The following GMCL1 variants were observed in gnomAD, a reference collection of about 807,000 sequenced individuals.
The protein encoded by GMCL1 is germ cell-less protein-like 1.
A neutral mutation model predicts 75.5 loss-of-function variants in GMCL1; 54 were observed. The observed-to-expected ratio is 0.71, with a 90% CI of 0.57 to 0.90. The LOEUF is 0.90. GMCL1 is among the 40% of genes least tolerant of loss of function. GMCL1 has a pLI of 0.00. For missense variants in GMCL1, 537 were observed against 622.7 expected (o/e 0.86, Z 1.47); for synonymous variants, 210 against 209.6 (o/e 1.00, Z -0.02).
chr2:69,877,814 G>T (rs113927996), intron 13 of GMCL1, among the ~76,000 whole-genome samples: 1 of 152,070 alleles, frequency 6.6e-6, no homozygotes, highest in South Asian at 2.1e-4. Context: ...TAGTGAGTCT[G>T]CTTCAGTCAC....
At chr2:69,845,872 T>C (rs560349588) in intron 6 of GMCL1, among the ~76,000 whole-genome samples, 38 of 152,240 alleles carry the variant, frequency 2.5e-4, no homozygotes, top group Middle Eastern at 3.4e-3. Flanking sequence ...TACAAATGTG[T>C]CCGAGAGTAT....
At chr2:69,878,779 G>T in intron 13 of GMCL1, 130 bp from the exon 14 acceptor site, 1 of 718,698 alleles carries the variant, frequency 1.4e-6, no homozygotes, top group South Asian at 1.5e-5. Flanking sequence ...CTAATGGGTG[G>T]GAGTTTGGAG....
At chr2:69,836,937 A>G (rs1674834644) in intron 1 of GMCL1, among the ~76,000 whole-genome samples, 1 of 150,878 alleles carries the variant, frequency 6.6e-6, no homozygotes, top group South Asian at 2.1e-4. Context: ...CTTTCATCTA[A>G]AATAAATAAA....
Position 69,880,009 on chromosome 2 carries a change from A to AGCC in GMCL1, c.*1005_*1006insGCC, listed in dbSNP as rs1676235264. On this transcript the variant is annotated 3_prime_UTR_variant, in exon 14 of 14. Coordinates refer to ENST00000282570, the MANE Select transcript of GMCL1 (RefSeq NM_178439.5). ...AAATGTAAATAAGGTCAGAGGATGT[A>AGCC]ATATGGAGCCTGATGATGAAGCATT... The AGCC allele has an allele frequency of 6.6e-6, 1 of 152,178 alleles. No individual in the cohort carries two copies. The highest frequency in any genetic ancestry group is 1.9e-4 in the East Asian group (1 of 5,202). The allele number at this position is 152,178 out of a possible 1,614,324, so 9.4% of individuals were successfully genotyped here.
At chr2:69,857,036 C>A (rs1203066625) in intron 9 of GMCL1, among the ~76,000 whole-genome samples, 1 of 152,116 alleles carries the variant, frequency 6.6e-6, no homozygotes, top group Non-Finnish European at 1.5e-5. Flanking sequence ...ATGCCATGAA[C>A]CTTGTGAACC....
chr2:69,876,075 A>G (rs1012041215), intron 13 of GMCL1, among the ~76,000 whole-genome samples: 7 of 152,178 alleles, frequency 4.6e-5, no homozygotes, highest in Non-Finnish European at 1.0e-4. Context: ...TGATTTTTGT[A>G]TATTTATTTT....
At chr2:69,839,608 C>T in intron 3 of GMCL1, 55 bp downstream of exon 3, 1 of 1,125,892 alleles carries the variant, frequency 8.9e-7, no homozygotes, top group South Asian at 1.3e-5. Context: ...TAATCTTATT[C>T]TTCTGGTAGA....
chr2:69,858,568 T>C (rs980381115), intron 9 of GMCL1, among the ~76,000 whole-genome samples: 4 of 152,188 alleles, frequency 2.6e-5, no homozygotes, highest in African/African-American at 9.7e-5. Flanking sequence ...GCTTCACTTA[T>C]TTTCATCCCA....
intron 1 of GMCL1, among the ~76,000 whole-genome samples, chr2:69,836,740 C>T (rs1206272769): frequency 2.0e-5 from 3 of 152,140 alleles, no homozygotes; most frequent in Non-Finnish European, 4.4e-5. Context: ...TCATTTTGAG[C>T]AATGATTTTC....
intron 2 of GMCL1, 48 bp downstream of exon 2, chr2:69,837,718 A>G (rs367702459): frequency 1.0e-4 from 164 of 1,564,500 alleles, no homozygotes; most frequent in South Asian, 5.2e-4. Flanking sequence ...TGAAACTCTT[A>G]AGTCATGTTC....
intron 12 of GMCL1, among the ~76,000 whole-genome samples, chr2:69,870,122 G>C (rs1231817991): frequency 6.7e-6 from 1 of 149,890 alleles, no homozygotes; most frequent in Non-Finnish European, 1.5e-5. Context: ...TTGCCTTGTT[G>C]CTATTCCTAG....
chr2:69,878,946 T>A lies in GMCL1; in HGVS notation c.1490T>A (p.Ile497Asn). The change falls in exon 14 of 14, where the codon ATC becomes AAC. Residue 497 changes from isoleucine (I) to asparagine (N), a missense_variant. By Grantham distance (149) the Ile-to-Asn change is moderately radical (BLOSUM62 -3). Coordinates refer to ENST00000282570, the MANE Select transcript of GMCL1 (RefSeq NM_178439.5). Reference sequence around the variant, plus strand: ...ATGAACTTGGACAGCAGGCTTCTGATCTTCCCTTTATATATCTGCTGTAAC... The same window carrying A: ...ATGAACTTGGACAGCAGGCTTCTGAACTTCCCTTTATATATCTGCTGTAAC... ...VVMNLDSRLL[I>N]FPLYICCNFL... The A allele has an allele frequency of 6.2e-7, 1 of 1,610,798 alleles. No individual in the cohort carries two copies. Among genetic ancestry groups the A allele is most frequent in the Non-Finnish European group, 8.5e-7 (1 of 1,177,078 alleles).
At chr2:69,834,753 C>T (rs559812419) in intron 1 of GMCL1, among the ~76,000 whole-genome samples, 1 of 152,156 alleles carries the variant, frequency 6.6e-6, no homozygotes, top group African/African-American at 2.4e-5. Flanking sequence ...CATATACTAC[C>T]TTAGTTTTGG....
chr2:69,876,807 AG>A (rs1676138707), intron 13 of GMCL1, among the ~76,000 whole-genome samples: 1 of 152,108 alleles, frequency 6.6e-6, no homozygotes, highest in African/African-American at 2.4e-5. Flanking sequence ...CTGGCAACTT[AG>A]CAAAACCCTA....
At chr2:69,862,684 G>A (rs748678061) in intron 10 of GMCL1, among the ~76,000 whole-genome samples, 28 of 152,088 alleles carry the variant, frequency 1.8e-4, no homozygotes, top group African/African-American at 4.6e-4. Flanking sequence ...GCTTGAACCC[G>A]GGAGGCGGAA....
At chr2:69,836,480 G>A (rs1674820906) in intron 1 of GMCL1, among the ~76,000 whole-genome samples, 1 of 152,166 alleles carries the variant, frequency 6.6e-6, no homozygotes, top group Admixed American at 6.5e-5. Context: ...TTTTACAGCT[G>A]TGATAACTGA....
Position 69,829,692 on chromosome 2 carries a change from G to A in GMCL1, c.-201G>A, listed in dbSNP as rs965805977. On this transcript the variant is annotated 5_prime_UTR_variant, in exon 1 of 14. Coordinates refer to ENST00000282570, the MANE Select transcript of GMCL1 (RefSeq NM_178439.5). ...TGCGAAAGCGAGGGGGCGAGGTGCT[G>A]CGGTGCTAGAGCGCGGCGCGACCGG... is the stretch of plus-strand genomic sequence containing the variant. The A allele has an allele frequency of 1.8e-6, 1 of 569,214 alleles. No homozygotes were observed. Among genetic ancestry groups the A allele is most frequent in the Non-Finnish European group, 3.0e-6 (1 of 335,436 alleles). 35.3% of individuals were successfully genotyped at this position (569,214 alleles called of 1,614,324 possible). A position where few individuals can be genotyped will look rare whatever the true frequency, so the allele number is the denominator to read the frequency against.
intron 11 of GMCL1, among the ~76,000 whole-genome samples, chr2:69,868,780 C>G (rs1284617855): frequency 6.6e-6 from 1 of 151,166 alleles, no homozygotes; most frequent in Non-Finnish European, 1.5e-5. Context: ...TCTAGAAACT[C>G]TTAGTGCTCT....
At chr2:69,835,287 C>T (rs554717162) in intron 1 of GMCL1, among the ~76,000 whole-genome samples, 10 of 152,164 alleles carry the variant, frequency 6.6e-5, no homozygotes, top group African/African-American at 1.9e-4. Flanking sequence ...TCTCTAAAAG[C>T]TCTTTCTTGT....
Sources: gnomAD v4.1 joint callset for allele counts (sites outside exome capture counted in the v4.1 genomes callset) on GRCh38, gnomAD v4.1.1 for gene constraint, MANE v1.5 for transcripts, NCBI Gene and HGNC (gene_info 2026-07-23, HGNC 2026-07-21) for gene names.